Variants in CENPF observed in about 807,000 individuals in gnomAD.
CENPF encodes AH antigen.
A neutral mutation model predicts 307.3 loss-of-function variants in CENPF; 214 were observed. That is an observed-to-expected ratio of 0.70 (90% CI 0.62 to 0.78). CENPF has a LOEUF of 0.78. Among genes scored for constraint, CENPF ranks in the 30% least tolerant of loss-of-function variants. The pLI, the probability that CENPF is intolerant of heterozygous loss-of-function variation, is 0.00. For missense variants in CENPF, 3,401 were observed against 3,483.9 expected (o/e 0.98, Z 0.60); for synonymous variants, 1,259 against 1,270.6 (o/e 0.99, Z 0.19).
intron 15 of CENPF, 45 bp from the exon 16 acceptor site, chr1:214,652,783 C>G: frequency 6.7e-7 from 1 of 1,495,470 alleles, no homozygotes; most frequent in South Asian, 1.3e-5. Context: ...GCTGTGCCTC[C>G]TGGCTAAAGT....
At chr1:214,647,776 G>C (rs1658353486) in intron 13 of CENPF, among the ~76,000 whole-genome samples, 1 of 152,174 alleles carries the variant, frequency 6.6e-6, no homozygotes, top group Non-Finnish European at 1.5e-5. Flanking sequence ...GAGTATAACA[G>C]ACATTATCTA....
chr1:214,643,314 A>G lies in CENPF; in HGVS notation c.4976A>G (p.Asp1659Gly). The change falls in exon 12 of 20, where the codon GAC becomes GGC. Residue 1659 changes from aspartate (D) to glycine (G), a missense_variant. By Grantham distance (94) the Asp-to-Gly change is moderately conservative (BLOSUM62 -1). Transcript: ENST00000366955. Reference protein sequence around the residue: ...DLSSRSLLGIDTEDAIQGRNE... With the variant: ...DLSSRSLLGIGTEDAIQGRNE... ...AGTTCTCGGTCTTTGCTTGGCATCG[A>G]CACAGAAGATGTAAGTACCTGGGAT... 3 of 1,497,942 alleles carry G rather than the reference A, an allele frequency of 2.0e-6. No individual in the cohort carries two copies. Among genetic ancestry groups the G allele is most frequent in the Non-Finnish European group, 2.7e-6 (3 of 1,126,598 alleles). The allele number at this position is 1,497,942 out of a possible 1,614,324, so 92.8% of individuals were successfully genotyped here.
intron 12 of CENPF, 64 bp downstream of exon 12, chr1:214,643,388 T>G: frequency 7.8e-7 from 1 of 1,285,022 alleles, no homozygotes; most frequent in Non-Finnish European, 1.0e-6. Context: ...TCAGTAAATG[T>G]TTGTCTAATT....
Position 214,646,914 on chromosome 1 carries a change from A to C in CENPF, c.7344A>C (p.Lys2448Asn), listed in dbSNP as rs892006873. Reference sequence around the variant, plus strand: ...TGGAGATGCTTCAAACACAATTAAAAGAGCTCAATGAGAGAGTGGCAGCCC... The same window carrying C: ...TGGAGATGCTTCAAACACAATTAAACGAGCTCAATGAGAGAGTGGCAGCCC... ...TAMEMLQTQLKELNERVAALH... is the reference protein window; with the variant it reads ...TAMEMLQTQLNELNERVAALH... The change falls in exon 13 of 20, where the codon AAA becomes AAC. Residue 2448 changes from lysine (K) to asparagine (N), a missense_variant. Physicochemically the swap from Lys to Asn is moderately conservative, Grantham distance 94 (BLOSUM62 0). Coordinates refer to ENST00000366955, the MANE Select transcript of CENPF (RefSeq NM_016343.4). The C allele has an allele frequency of 1.2e-6, 2 of 1,614,140 alleles. No individual in the cohort carries two copies. Among genetic ancestry groups the C allele is most frequent in the Admixed American group, 1.7e-5 (1 of 60,016 alleles).
intron 1 of CENPF, chr1:214,605,682 A>C (rs1317506098): frequency 5.0e-6 from 8 of 1,587,552 alleles, no homozygotes; most frequent in South Asian, 4.5e-5. Flanking sequence ...CCGCTAGGCG[A>C]GCTGGCTGGC....
At chr1:214,625,433 C>T (rs910089457) in intron 7 of CENPF, among the ~76,000 whole-genome samples, 3 of 152,118 alleles carry the variant, frequency 2.0e-5, no homozygotes, top group Non-Finnish European at 4.4e-5. Flanking sequence ...GTTGGCCAGG[C>T]TGGTCTTGAA....
Position 214,642,488 on chromosome 1 carries a change from T to C in CENPF, c.4150T>C (p.Leu1384=), listed in dbSNP as rs747801678. ...NEQHPVSLAP[L]DESNSYEHLT... is the part of the protein sequence containing the mutation. Reference sequence around the variant, plus strand: ...ACAGCACCCTGTGTCTTTGGCTCCATTGGACGAGAGTAATTCCTACGAGCA... The same window carrying C: ...ACAGCACCCTGTGTCTTTGGCTCCACTGGACGAGAGTAATTCCTACGAGCA... The change falls in exon 12 of 20, where the codon TTG becomes CTG. Residue 1384 remains leucine, a synonymous_variant. Coordinates refer to ENST00000366955, the MANE Select transcript of CENPF (RefSeq NM_016343.4). 4.4e-6 allele frequency: 7 copies of C among 1,609,174 alleles called. No individual in the cohort carries two copies. Among genetic ancestry groups the C allele is most frequent in the East Asian group, 2.2e-5 (1 of 44,838 alleles).
chr1:214,619,661 G>A (rs1280498283), intron 5 of CENPF, among the ~76,000 whole-genome samples: 1 of 152,086 alleles, frequency 6.6e-6, no homozygotes, highest in East Asian at 1.9e-4. Flanking sequence ...TTTCCAGTTT[G>A]GCACTTACTG....
intron 1 of CENPF, among the ~76,000 whole-genome samples, chr1:214,611,692 C>T (rs1657204781): frequency 6.6e-6 from 1 of 152,200 alleles, no homozygotes; most frequent in African/African-American, 2.4e-5. Flanking sequence ...ACAGATCTTT[C>T]ACCTCCCTGG....
At position 214,606,169 on chromosome 1, in the gene CENPF, G is replaced by A. The variant is rs1008184839; in HGVS notation, c.-42+2848G>A. 3.1e-6 allele frequency: 4 copies of A among 1,282,386 alleles called. No individual in the cohort carries two copies. The East Asian group carries it at 1.0e-4, about 33-fold the overall frequency. The allele number at this position is 1,282,386 out of a possible 1,614,324, so 79.4% of individuals were successfully genotyped here. ...CGTCCCCGGGCCCAGCTCCGGATGC[G>A]ACCCTCCAGTCTCCCCACTCAGCCA... On this transcript the variant is annotated intron_variant, in intron 1 of 19. Transcript: ENST00000366955.
Position 214,632,290 on chromosome 1 carries a change from C to T in CENPF, c.1324-190C>T, listed in dbSNP as rs116149503. Among the ~76,000 whole-genome samples, 789 of 152,092 alleles carry T rather than the reference C, an allele frequency of 5.2e-3. 10 individuals are homozygous for T. The highest frequency in any genetic ancestry group is 0.018 in the African/African-American group (727 of 41,494). ...GCCTCTTTCATCTCCTATATGCAGC[C>T]GCTGAGTGACGTCGCAAGGTCACAT... On this transcript the variant is annotated intron_variant, in intron 9 of 19. Transcript: ENST00000366955.
Position 214,646,763 on chromosome 1 carries a change from C to A in CENPF, c.7193C>A (p.Thr2398Lys), listed in dbSNP as rs140475132. 1.9e-5 allele frequency: 30 copies of A among 1,612,880 alleles called. No homozygotes were observed. In the African/African-American group the frequency reaches 3.9e-4, roughly 21 times the overall value. ...ATAAGGTCAGAAAAAGAAAATCTGACAAATGAATTACAAAAAGAGCAAGAG... is the reference window on the plus strand; with the variant it reads ...ATAAGGTCAGAAAAAGAAAATCTGAAAAATGAATTACAAAAAGAGCAAGAG... The part of the protein sequence containing the change: ...VTIRSEKENL[T>K]NELQKEQERI... Residue 2398 changes from threonine (T) to lysine (K), a missense_variant, in exon 13 of 20, where the codon ACA becomes AAA. Transcript: ENST00000366955.
intron 10 of CENPF, among the ~76,000 whole-genome samples, chr1:214,635,981 G>A (rs1030867061): frequency 6.6e-6 from 1 of 151,820 alleles, no homozygotes; most frequent in Admixed American, 6.6e-5. Flanking sequence ...CATTTGATTT[G>A]ATTAAAAAAT....
Position 214,645,076 on chromosome 1 carries a change from A to T in CENPF, c.5506A>T (p.Lys1836Ter). 2.5e-6 allele frequency: 4 copies of T among 1,613,646 alleles called. No homozygotes were observed. The highest frequency in any genetic ancestry group is 1.7e-6 in the Non-Finnish European group (2 of 1,179,902). Residue 1836 changes from lysine to a stop codon, truncating the protein, a stop_gained, in exon 13 of 20, where the codon AAG (lysine) becomes TAG (stop). Transcript: ENST00000366955. LOFTEE classifies it high-confidence loss of function. ...ATTGGAAAAAATAGTTGGGGAACTT[A>T]AGAAAGAAAACTCAGATTTAAGTGA... The part of the protein sequence containing the change: ...IELEKIVGEL[K>*]KENSDLSEKL...
At chr1:214,632,126 CT>C (rs1172617147) in intron 9 of CENPF, among the ~76,000 whole-genome samples, 1 of 151,934 alleles carries the variant, frequency 6.6e-6, no homozygotes, top group African/African-American at 2.4e-5. Context: ...GTCTTTTATT[CT>C]GTTATATATA....
At position 214,644,668 on chromosome 1, in the gene CENPF, C is replaced by CA; in HGVS notation, c.5099dup (p.Asp1701GlyfsTer7). ...TCAGATTTGTGATAAAGATGCTCAGCAGGACCTCAATCTAGACATTGAGAA... is the reference window on the plus strand; with the variant it reads ...TCAGATTTGTGATAAAGATGCTCAGCAAGGACCTCAATCTAGACATTGAGAA... On this transcript the variant is annotated frameshift_variant, in exon 13 of 20. Coordinates refer to ENST00000366955, the MANE Select transcript of CENPF (RefSeq NM_016343.4). LOFTEE classifies it high-confidence loss of function. The CA allele has an allele frequency of 6.2e-7, 1 of 1,614,016 alleles. No individual in the cohort carries two copies. Among genetic ancestry groups the CA allele is most frequent in the Non-Finnish European group, 8.5e-7 (1 of 1,179,944 alleles).
At chr1:214,622,420 A>C (rs549873070) in intron 7 of CENPF, 139 bp downstream of exon 7, 8 of 766,560 alleles carry the variant, frequency 1.0e-5, no homozygotes, top group Non-Finnish European at 1.6e-5. Context: ...GATGCAACTG[A>C]ACTAGAAAGC....
chr1:214,622,183 A>G lies in CENPF; in HGVS notation c.970A>G (p.Lys324Glu), dbSNP rs1470027748. 2 of 1,613,950 alleles carry G rather than the reference A, an allele frequency of 1.2e-6. No individual in the cohort carries two copies. Among genetic ancestry groups the G allele is most frequent in the East Asian group, 2.2e-5 (1 of 44,880 alleles). ...TCAAGAACTCCAACTCCAACTGGAGAAAGCAAAAGTGGAATTAATTGAAAA... is the reference window on the plus strand; with the variant it reads ...TCAAGAACTCCAACTCCAACTGGAGGAAGCAAAAGTGGAATTAATTGAAAA... ...KFQELQLQLE[K>E]AKVELIEKEK... The change falls in exon 7 of 20, where the codon AAA becomes GAA. Residue 324 changes from lysine to glutamate, a missense_variant. Coordinates refer to ENST00000366955, the MANE Select transcript of CENPF (RefSeq NM_016343.4).
Position 214,644,768 on chromosome 1 carries a change from C to T in CENPF, c.5198C>T (p.Pro1733Leu), listed in dbSNP as rs750757320. The T allele has an allele frequency of 3.1e-6, 5 of 1,613,734 alleles. No individual in the cohort carries two copies. The South Asian group carries it at 5.5e-5, about 18-fold the overall frequency. ...CAGTCCCCAGATACCAATTATGAGC[C>T]TCCAGGGGAAGATAAAACCCAGGGC... ...GEQSPDTNYE[P>L]PGEDKTQGSS... is the part of the protein sequence containing the mutation. Residue 1733 changes from proline (P) to leucine (L), a missense_variant, in exon 13 of 20, where the codon CCT becomes CTT. Transcript: ENST00000366955.
Sources: gnomAD v4.1 joint callset for allele counts (sites outside exome capture counted in the v4.1 genomes callset) on GRCh38, gnomAD v4.1.1 for gene constraint, MANE v1.5 for transcripts, NCBI Gene and HGNC (gene_info 2026-07-23, HGNC 2026-07-21) for gene names.